Variants in FAM168A observed in about 807,000 individuals in gnomAD.
FAM168A encodes the protein protein FAM168A.
Under a neutral mutation model 28.5 loss-of-function variants are expected in FAM168A, and 3 were observed. The ratio of observed to expected loss-of-function variants is 0.11; its 90% CI spans 0.05 to 0.27. The LOEUF (loss-of-function observed/expected upper bound fraction) is 0.27, where lower values mean the gene tolerates loss of function less well. Among genes scored for constraint, FAM168A ranks in the 10% least tolerant of loss-of-function variants. The probability of loss-of-function intolerance (pLI) is 1.00; values close to 1 mark genes in which losing one functional copy is unlikely to be tolerated. For synonymous variants in FAM168A, 122 were observed against 124.2 expected, an observed-to-expected ratio of 0.98 and a Z score of 0.12; for missense variants, 222 against 311.5, an observed-to-expected ratio of 0.71 and a Z score of 2.16.
intron 1 of FAM168A, among the ~76,000 whole-genome samples, chr11:73,491,575 G>A (rs1868128276): frequency 6.6e-6 from 1 of 152,184 alleles, no homozygotes; most frequent in South Asian, 2.1e-4. Flanking sequence ...CAAGGAGGAT[G>A]CATAGTTTCT....
chr11:73,521,012 C>A (rs984277120), intron 1 of FAM168A, among the ~76,000 whole-genome samples: 6 of 152,080 alleles, frequency 3.9e-5, no homozygotes, highest in African/African-American at 1.2e-4. Context: ...AGAAAACTGT[C>A]TTTTACATTT....
chr11:73,596,062 G>C (rs535675194), intron 1 of FAM168A, among the ~76,000 whole-genome samples: 1 of 152,280 alleles, frequency 6.6e-6, no homozygotes, highest in South Asian at 2.1e-4. Flanking sequence ...TTGCAAACCA[G>C]GACACTAACA....
Position 73,411,485 on chromosome 11 carries a change from G to C in FAM168A, c.329C>G (p.Ala110Gly), listed in dbSNP as rs1339154729. The part of the protein sequence containing the change: ...YKVPPTQSNT[A>G]PPPYSPSPNP... The stretch of plus-strand genomic sequence containing the variant: ...GGGTGATGGGGAGTAGGGGGGTGGA[G>C]CAGTGTTACTCTGGGTCGGTGGGAC... Residue 110 changes from alanine (A) to glycine (G), a missense_variant, in exon 5 of 8, where the codon GCT becomes GGT. Coordinates refer to ENST00000356467, the MANE Select transcript of FAM168A (RefSeq NM_015159.3). The C allele has an allele frequency of 6.2e-7, 1 of 1,613,962 alleles. No homozygotes were observed. The highest frequency in any genetic ancestry group is 1.7e-5 in the Admixed American group (1 of 60,016).
At chr11:73,545,306 G>A (rs914397044) in intron 1 of FAM168A, among the ~76,000 whole-genome samples, 3 of 151,132 alleles carry the variant, frequency 2.0e-5, no homozygotes, top group Non-Finnish European at 2.9e-5. Flanking sequence ...AATTACAGAC[G>A]TGAGCCACCA....
chr11:73,505,764 T>C (rs572747623), intron 1 of FAM168A, among the ~76,000 whole-genome samples: 1 of 152,272 alleles, frequency 6.6e-6, no homozygotes, highest in Admixed American at 6.5e-5. Context: ...CACCATTTTA[T>C]AGATGGGAGA....
At chr11:73,546,165 G>A (rs1403616360) in intron 1 of FAM168A, among the ~76,000 whole-genome samples, 1 of 152,208 alleles carries the variant, frequency 6.6e-6, no homozygotes, top group Admixed American at 6.5e-5. Flanking sequence ...CACAGATTGA[G>A]AGAATGTTTG....
At chr11:73,417,927 T>C (rs1211122481) in intron 4 of FAM168A, among the ~76,000 whole-genome samples, 3 of 152,118 alleles carry the variant, frequency 2.0e-5, no homozygotes, top group Non-Finnish European at 4.4e-5. Flanking sequence ...TTAACCTGGG[T>C]GATACCTTTT....
At position 73,540,657 on chromosome 11, in the gene FAM168A, T is replaced by C. The variant is rs186854586; in HGVS notation, c.-19+57266A>G. On this transcript the variant is annotated intron_variant, in intron 1 of 7. Transcript: ENST00000356467. ...CTTACTACTTAAAATCATTCAGGAC[T>C]CTGCTCAAATGCAATCTCTTCAGAG... Among the ~76,000 whole-genome samples the C allele has an allele frequency of 3.2e-3, 483 of 152,346 alleles. 2 individuals are homozygous for C. The highest frequency in any genetic ancestry group is 5.3e-3 in the Admixed American group (81 of 15,304).
chr11:73,418,554 A>G lies in FAM168A; in HGVS notation c.277+1320T>C, dbSNP rs562499200. On this transcript the variant is annotated intron_variant, in intron 4 of 7. Transcript: ENST00000356467. ...TTTCTTTATAACAACACAAGAACAG[A>G]CTAACACAGATGTTTTAAAGAAAAG... Among the ~76,000 whole-genome samples, 3 of 152,354 alleles carry G rather than the reference A, an allele frequency of 2.0e-5. No individual in the cohort carries two copies. The East Asian group carries it at 5.8e-4, about 29-fold the overall frequency.
chr11:73,447,699 A>ATT (rs796128037), intron 2 of FAM168A, among the ~76,000 whole-genome samples: 1 of 143,400 alleles, frequency 7.0e-6, no homozygotes, highest in African/African-American at 2.6e-5. Flanking sequence ...GCCCAAACCT[A>ATT]TTTTTTTTTT....
chr11:73,556,676 T>A (rs776299943), intron 1 of FAM168A, among the ~76,000 whole-genome samples: 14 of 151,948 alleles, frequency 9.2e-5, no homozygotes, highest in Admixed American at 2.6e-4. Flanking sequence ...CTATACACTT[T>A]CAAAAAATTG....
chr11:73,425,041 C>A, intron 3 of FAM168A: 1 of 1,530,888 alleles, frequency 6.5e-7, no homozygotes, highest in Non-Finnish European at 8.7e-7. Context: ...AATGCAGGAA[C>A]TGAAACTCTG....
chr11:73,456,538 G>T (rs1590789800), intron 2 of FAM168A, among the ~76,000 whole-genome samples: 1 of 151,984 alleles, frequency 6.6e-6, no homozygotes, highest in East Asian at 1.9e-4. Flanking sequence ...CAAGACTTTA[G>T]CCAGAAAAAG....
chr11:73,483,487 G>C (rs957015192), intron 1 of FAM168A, among the ~76,000 whole-genome samples: 3 of 152,178 alleles, frequency 2.0e-5, no homozygotes, highest in Admixed American at 6.5e-5. Flanking sequence ...AAGTAACAAA[G>C]TAATATAATC....
At chr11:73,505,331 A>G (rs1855095789) in intron 1 of FAM168A, among the ~76,000 whole-genome samples, 1 of 151,938 alleles carries the variant, frequency 6.6e-6, no homozygotes, top group African/African-American at 2.4e-5. Flanking sequence ...TTCTTTGAAA[A>G]TCACTAAACT....
At chr11:73,420,096 T>G in intron 3 of FAM168A, 97 bp from the exon 4 acceptor site, 1 of 1,485,078 alleles carries the variant, frequency 6.7e-7, no homozygotes, top group Non-Finnish European at 9.1e-7. Context: ...GACAGAAACA[T>G]ACAACCCAAG....
intron 1 of FAM168A, among the ~76,000 whole-genome samples, chr11:73,575,109 T>C (rs1206794027): frequency 2.0e-5 from 3 of 152,190 alleles, no homozygotes; most frequent in Non-Finnish European, 4.4e-5. Flanking sequence ...AAAAGGTTTA[T>C]CCAAGATAAC....
At chr11:73,457,977 G>A (rs1055457385) in intron 2 of FAM168A, among the ~76,000 whole-genome samples, 1 of 152,008 alleles carries the variant, frequency 6.6e-6, no homozygotes, top group Non-Finnish European at 1.5e-5. Context: ...TGGGGACTAC[G>A]TTTGTAAAGT....
At chr11:73,441,818 A>G (rs1867200874) in intron 2 of FAM168A, among the ~76,000 whole-genome samples, 1 of 152,156 alleles carries the variant, frequency 6.6e-6, no homozygotes, top group South Asian at 2.1e-4. Context: ...GTCTTACCTC[A>G]TATTCCTTTT....
Sources: gnomAD v4.1 joint callset for allele counts (sites outside exome capture counted in the v4.1 genomes callset) on GRCh38, gnomAD v4.1.1 for gene constraint, MANE v1.5 for transcripts, NCBI Gene and HGNC (gene_info 2026-07-23, HGNC 2026-07-21) for gene names.